Variants in RERE observed in about 807,000 individuals in gnomAD.
RERE encodes arginine-glutamic acid dipeptide repeats.
A neutral mutation model predicts 146.1 loss-of-function variants in RERE; 40 were observed. That is an observed-to-expected ratio of 0.27 (90% CI 0.21 to 0.36). The LOEUF (loss-of-function observed/expected upper bound fraction) is 0.36, where lower values mean the gene tolerates loss of function less well. RERE is among the 10% of genes least tolerant of loss of function. The pLI is 1.00. For synonymous variants in RERE, 1,003 were observed against 866.0 expected (o/e 1.16, Z -2.78); for missense variants, 1,933 against 2,138.7 (o/e 0.90, Z 1.90).
chr1:8,450,800 C>A (rs142457932), intron 11 of RERE, among the ~76,000 whole-genome samples: 6 of 152,286 alleles, frequency 3.9e-5, no homozygotes, highest in Non-Finnish European at 8.8e-5. Flanking sequence ...TATCCTGTGA[C>A]CAGCACCAAA....
At chr1:8,681,208 T>C (rs188012632) in intron 1 of RERE, among the ~76,000 whole-genome samples, 10 of 152,298 alleles carry the variant, frequency 6.6e-5, no homozygotes, top group African/African-American at 2.4e-4. Context: ...CTCCTACCAC[T>C]TTCTCACTGG....
At chr1:8,545,321 G>T (rs1053180664) in intron 6 of RERE, among the ~76,000 whole-genome samples, 1 of 152,150 alleles carries the variant, frequency 6.6e-6, no homozygotes, top group African/African-American at 2.4e-5. Context: ...TAATCCTTCC[G>T]AGTGGGGCGG....
intron 2 of RERE, among the ~76,000 whole-genome samples, chr1:8,642,969 A>G (rs1420010844): frequency 6.6e-6 from 1 of 152,226 alleles, no homozygotes; most frequent in Non-Finnish European, 1.5e-5. Context: ...GGGAATGAGT[A>G]AGTGCCTAGA....
At chr1:8,379,080 C>G (rs1642357175) in intron 12 of RERE, among the ~76,000 whole-genome samples, 1 of 152,216 alleles carries the variant, frequency 6.6e-6, no homozygotes, top group Admixed American at 6.5e-5. Context: ...GAGAACCAGC[C>G]CAACTCCAGA....
rs577644026 is a variant in RERE at position 8,552,424 on chromosome 1, T to G, written c.725+4051A>C. ...CATGATCAGTCTTTTTCTTTTTTCT[T>G]TTTTGTTCCCCATGGTTTTTTTCAT... is the stretch of plus-strand genomic sequence containing the variant. On this transcript the variant is annotated intron_variant, in intron 6 of 22. Transcript: ENST00000400908. 2.0e-5 allele frequency among the ~76,000 whole-genome samples: 3 copies of G among 152,324 alleles called. No individual in the cohort carries two copies. The East Asian group carries it at 5.8e-4, about 29-fold the overall frequency.
intron 1 of RERE, among the ~76,000 whole-genome samples, chr1:8,806,502 G>A (rs866952273): frequency 2.0e-5 from 3 of 152,226 alleles, no homozygotes; most frequent in African/African-American, 7.2e-5. Context: ...CTTGGTGACA[G>A]AGGGAGACTC....
At position 8,690,752 on chromosome 1, in the gene RERE, C is replaced by T. The variant is rs76777915; in HGVS notation, c.-144-34311G>A. Among the ~76,000 whole-genome samples the T allele has an allele frequency of 7.2e-3, 1,091 of 152,034 alleles. 13 individuals are homozygous for T. Among genetic ancestry groups the T allele is most frequent in the African/African-American group, 0.025 (1,045 of 41,438 alleles). ...ATTATACAATATTTGCTTCTCTTTT[C>T]CTTGGAACAAAGGAAAAAATAGAAG... On this transcript the variant is annotated intron_variant, in intron 1 of 22. Transcript: ENST00000400908.
chr1:8,690,888 T>A (rs1184595472), intron 1 of RERE, among the ~76,000 whole-genome samples: 1 of 152,080 alleles, frequency 6.6e-6, no homozygotes, highest in Admixed American at 6.5e-5. Context: ...GTTTATTTTT[T>A]ATTTTTATTT....
intron 11 of RERE, among the ~76,000 whole-genome samples, chr1:8,448,805 G>A (rs143579041): frequency 0.012 from 1,788 of 151,826 alleles, 33 homozygotes; most frequent in African/African-American, 0.041. Context: ...CTCCAGCCTC[G>A]GTGACAGAGC....
chr1:8,522,608 A>C (rs190280203), intron 7 of RERE, among the ~76,000 whole-genome samples: 82 of 152,284 alleles, frequency 5.4e-4, no homozygotes, highest in Non-Finnish European at 2.6e-4. Context: ...AGGGCGGCTC[A>C]CACCTATAAT....
At chr1:8,729,671 T>C (rs532122159) in intron 1 of RERE, among the ~76,000 whole-genome samples, 2 of 152,112 alleles carry the variant, frequency 1.3e-5, no homozygotes, top group Admixed American at 6.6e-5. Flanking sequence ...ACAGCAAACA[T>C]CTCCAGCCTT....
chr1:8,783,012 CCTTT>C (rs1641193258), intron 1 of RERE, among the ~76,000 whole-genome samples: 1 of 152,148 alleles, frequency 6.6e-6, no homozygotes, highest in African/African-American at 2.4e-5. Flanking sequence ...ATCCTTGACT[CCTTT>C]CTTTCAACCC....
At chr1:8,516,244 A>AAAAAAAAAAAAAAAAAAAAAAAAC (rs1645415581) in intron 7 of RERE, among the ~76,000 whole-genome samples, 1 of 150,446 alleles carries the variant, frequency 6.6e-6, no homozygotes. Flanking sequence ...AAAAAAAAAA[A>AAAAAAAAAAAAAAAAAAAAAAAAC]AAAAATCTAG....
At chr1:8,723,253 A>G (rs192037205) in intron 1 of RERE, among the ~76,000 whole-genome samples, 3 of 152,354 alleles carry the variant, frequency 2.0e-5, no homozygotes, top group East Asian at 3.9e-4. Context: ...GGTTAGAGAT[A>G]AGGAAGAATA....
chr1:8,501,206 T>C (rs1390238458), intron 8 of RERE, among the ~76,000 whole-genome samples: 1 of 96,230 alleles, frequency 1.0e-5, no homozygotes, highest in Non-Finnish European at 2.1e-5. Context: ...GGGAGGGAGG[T>C]GGGGGGGTCA....
At chr1:8,355,244 G>T in intron 22 of RERE, 124 bp from the exon 23 acceptor site, 1 of 1,185,822 alleles carries the variant, frequency 8.4e-7, no homozygotes, top group Non-Finnish European at 1.2e-6. Context: ...CTCCTGTGTA[G>T]CTGACCTACC....
At chr1:8,677,425 C>CAAA (rs33947474) in intron 1 of RERE, among the ~76,000 whole-genome samples, 30 of 93,704 alleles carry the variant, frequency 3.2e-4, no homozygotes, top group African/African-American at 9.2e-4. Context: ...GTCTCCGTCT[C>CAAA]AAAAAAAAAA....
chr1:8,643,719 C>G (rs1461231566), intron 2 of RERE, among the ~76,000 whole-genome samples: 1 of 152,182 alleles, frequency 6.6e-6, no homozygotes, highest in Admixed American at 6.5e-5. Flanking sequence ...AAGGTGAGCA[C>G]AGCAGACAGG....
chr1:8,690,929 C>T (rs1226417137), intron 1 of RERE, among the ~76,000 whole-genome samples: 1 of 151,974 alleles, frequency 6.6e-6, no homozygotes, highest in African/African-American at 2.4e-5. Flanking sequence ...GACGGTGTCT[C>T]GCTCTGTCAC....
Sources: allele counts gnomAD v4.1 joint callset (sites outside exome capture counted in the v4.1 genomes callset), GRCh38; gene constraint gnomAD v4.1.1; transcripts MANE v1.5; gene names NCBI Gene and HGNC (gene_info 2026-07-23, HGNC 2026-07-21).